RALYL: variants seen among roughly 807,000 people sequenced by gnomAD.
RALYL encodes RALY RNA binding protein like.
In RALYL, 29 loss-of-function variants were observed where a neutral mutation model predicts 35.1. The observed-to-expected ratio is 0.83, with a 90% CI of 0.61 to 1.13. The LOEUF is 1.13. Among genes scored for constraint, RALYL ranks in the 50% most tolerant of loss-of-function variants. The probability of loss-of-function intolerance (pLI) is 0.00; values close to 1 mark genes in which losing one functional copy is unlikely to be tolerated. For synonymous variants in RALYL, 120 were observed against 127.6 expected (o/e 0.94, Z 0.40); for missense variants, 359 against 360.4 (o/e 1.00, Z 0.03).
At chr8:84,482,274 T>A (rs2054128213) in intron 1 of RALYL, among the ~76,000 whole-genome samples, 1 of 152,100 alleles carries the variant, frequency 6.6e-6, no homozygotes, top group Non-Finnish European at 1.5e-5. Context: ...ATAGCATTAG[T>A]GAAAAAGTAT....
At chr8:84,624,608 A>G (rs1189126009) in intron 2 of RALYL, among the ~76,000 whole-genome samples, 1 of 152,128 alleles carries the variant, frequency 6.6e-6, no homozygotes, top group African/African-American at 2.4e-5. Flanking sequence ...ACATCTCCCC[A>G]TCTCAAGGTC....
chr8:84,372,886 G>GTTTTTTTTGTTTTGTTTTGTTTTTTTTTT (rs1856064727), intron 1 of RALYL, among the ~76,000 whole-genome samples: 6 of 39,066 alleles, frequency 1.5e-4, no homozygotes, highest in African/African-American at 6.6e-4. Context: ...GCCAGCATCT[G>GTTTTTTTTGTTTTGTTTTGTTTTTTTTTT]TTTTTTTTTT....
At chr8:84,592,615 C>A (rs900222618) in intron 2 of RALYL, among the ~76,000 whole-genome samples, 3 of 151,998 alleles carry the variant, frequency 2.0e-5, no homozygotes, top group African/African-American at 7.2e-5. Context: ...TACTATTGAG[C>A]AAAGCTAATT....
intron 1 of RALYL, among the ~76,000 whole-genome samples, chr8:84,360,514 G>A (rs1168374837): frequency 2.6e-5 from 4 of 152,244 alleles, no homozygotes; most frequent in East Asian, 3.9e-4. Context: ...AATGAATATC[G>A]AAGATTAATG....
intron 6 of RALYL, among the ~76,000 whole-genome samples, chr8:84,871,273 C>T (rs1044040832): frequency 1.3e-5 from 2 of 152,070 alleles, no homozygotes; most frequent in Non-Finnish European, 2.9e-5. Context: ...ATATTGTTTT[C>T]TAATGTAGTT....
At chr8:84,895,860 G>A (rs1844662436) in intron 8 of RALYL, among the ~76,000 whole-genome samples, 2 of 152,106 alleles carry the variant, frequency 1.3e-5, no homozygotes, top group East Asian at 3.9e-4. Context: ...TTTAATTTTG[G>A]TGACCCAAAT....
chr8:84,768,969 T>C (rs1394551295), intron 2 of RALYL, among the ~76,000 whole-genome samples: 2 of 152,208 alleles, frequency 1.3e-5, no homozygotes, highest in Admixed American at 6.5e-5. Context: ...ACTGACAGTA[T>C]ATTATTTTTA....
intron 2 of RALYL, among the ~76,000 whole-genome samples, chr8:84,687,136 TC>T (rs1188085947): frequency 1.3e-5 from 2 of 152,192 alleles, no homozygotes; most frequent in Non-Finnish European, 2.9e-5. Flanking sequence ...AATTTTTAAT[TC>T]AGCCAAAGAA....
At chr8:84,640,363 C>A (rs1448482961) in intron 2 of RALYL, among the ~76,000 whole-genome samples, 2 of 151,820 alleles carry the variant, frequency 1.3e-5, no homozygotes, top group Non-Finnish European at 2.9e-5. Context: ...AAAGAAAAAC[C>A]TGCAATGTGA....
At chr8:84,521,392 A>G (rs2058447070) in intron 1 of RALYL, among the ~76,000 whole-genome samples, 1 of 152,248 alleles carries the variant, frequency 6.6e-6, no homozygotes, top group South Asian at 2.1e-4. Context: ...GGTAATCTGA[A>G]CAGACTAATA....
chr8:84,331,458 T>C (rs1460522493), intron 1 of RALYL, among the ~76,000 whole-genome samples: 1 of 152,100 alleles, frequency 6.6e-6, no homozygotes, highest in Non-Finnish European at 1.5e-5. Context: ...TTTAAAATAA[T>C]TACTATCTTA....
At chr8:84,614,240 T>C (rs1048158465) in intron 2 of RALYL, among the ~76,000 whole-genome samples, 1 of 151,660 alleles carries the variant, frequency 6.6e-6, no homozygotes, top group Non-Finnish European at 1.5e-5. Context: ...GTATCAGTAT[T>C]ACTCTCAGAA....
At chr8:84,552,356 ATATTTTTTTTTTTTTTT>A (rs2060797134) in intron 2 of RALYL, among the ~76,000 whole-genome samples, 2 of 49,656 alleles carry the variant, frequency 4.0e-5, no homozygotes, top group Admixed American at 4.8e-4. Context: ...ATATATATAT[ATATTTTTTTTTTTTTTT>A]TTTTTTTTTT....
At position 84,489,866 on chromosome 8, in the gene RALYL, T is replaced by C. The variant is rs143592144; in HGVS notation, c.-23-39433T>C. Among the ~76,000 whole-genome samples, 11 of 152,058 alleles carry C rather than the reference T, an allele frequency of 7.2e-5. No individual in the cohort carries two copies. In the East Asian group the frequency reaches 2.1e-3, roughly 29 times the overall value. On this transcript the variant is annotated intron_variant, in intron 1 of 8. Coordinates refer to ENST00000521268, the MANE Select transcript of RALYL (RefSeq NM_173848.7). ...TTGGCCATTTAGAGAGCACAAGTGG[T>C]TTGGAATAACTAGAATTCATATTTT...
rs1428167023 is a variant in RALYL, at chr8:84,183,721, G to A, written c.-727G>A. ...TATTTGGGAAAGCTGGAGGAGCATG[G>A]TTTTGAGCCTTTTCCTGAATCCAAG... On this transcript the variant is annotated 5_prime_UTR_variant, in exon 1 of 9. Transcript: ENST00000521268. 6.6e-6 allele frequency: 1 copy of A among 151,094 alleles called. No individual in the cohort carries two copies. Among genetic ancestry groups the A allele is most frequent in the East Asian group, 2.0e-4 (1 of 5,106 alleles). The allele number at this position is 151,094 out of a possible 1,614,324, so 9.4% of individuals were successfully genotyped here.
chr8:84,405,149 A>G (rs1010729581), intron 1 of RALYL, among the ~76,000 whole-genome samples: 1 of 152,152 alleles, frequency 6.6e-6, no homozygotes, highest in Admixed American at 6.5e-5. Context: ...AGAAATAAAG[A>G]TGTTTCTTGA....
intron 4 of RALYL, among the ~76,000 whole-genome samples, chr8:84,824,005 C>T (rs1205859784): frequency 6.6e-6 from 1 of 152,094 alleles, no homozygotes; most frequent in Non-Finnish European, 1.5e-5. Flanking sequence ...ACTAGAAATG[C>T]TAGCCAGAGC....
intron 2 of RALYL, among the ~76,000 whole-genome samples, chr8:84,688,938 C>G (rs562213159): frequency 1.3e-5 from 2 of 151,914 alleles, no homozygotes; most frequent in Middle Eastern, 6.8e-3. Context: ...AGAAGACATA[C>G]AAAGGGCCAA....
At chr8:84,379,138 T>G (rs547113903) in intron 1 of RALYL, among the ~76,000 whole-genome samples, 17 of 152,070 alleles carry the variant, frequency 1.1e-4, no homozygotes, top group African/African-American at 4.1e-4. Context: ...GAGCAGAACA[T>G]TTAAATAAAG....
Sources: gnomAD v4.1 joint callset for allele counts (sites outside exome capture counted in the v4.1 genomes callset) on GRCh38, gnomAD v4.1.1 for gene constraint, MANE v1.5 for transcripts, NCBI Gene and HGNC (gene_info 2026-07-23, HGNC 2026-07-21) for gene names.